Variants in ERGIC3 observed in about 807,000 individuals in gnomAD.
ERGIC3 encodes endoplasmic reticulum-Golgi intermediate compartment protein 3.
In ERGIC3, 33 loss-of-function variants were observed where a neutral mutation model predicts 54.7. The observed-to-expected ratio is 0.60, with a 90% CI of 0.46 to 0.81. The LOEUF is 0.81. Among genes scored for constraint, ERGIC3 ranks in the 30% least tolerant of loss-of-function variants. The probability of loss-of-function intolerance (pLI) is 0.00; values close to 1 mark genes in which losing one functional copy is unlikely to be tolerated. For missense variants in ERGIC3, 399 were observed against 488.4 expected (o/e 0.82, Z 1.73); for synonymous variants, 186 against 189.8 (o/e 0.98, Z 0.16).
intron 4 of ERGIC3, among the ~76,000 whole-genome samples, chr20:35,547,078 G>A (rs1196781204): frequency 6.6e-6 from 1 of 152,160 alleles, no homozygotes; most frequent in Non-Finnish European, 1.5e-5. Context: ...CTTCTCATCA[G>A]TGAGCCTCAA....
At chr20:35,550,177 G>T (rs1382169971) in intron 7 of ERGIC3, among the ~76,000 whole-genome samples, 1 of 151,948 alleles carries the variant, frequency 6.6e-6, no homozygotes, top group Non-Finnish European at 1.5e-5. Flanking sequence ...GACAGTGAGG[G>T]AGCCAGCCAT....
intron 4 of ERGIC3, 27 bp from the exon 5 acceptor site, chr20:35,547,385 A>T (rs1304911576): frequency 4.4e-6 from 7 of 1,596,110 alleles, no homozygotes; most frequent in East Asian, 2.2e-5. Flanking sequence ...GCCCCAGCTG[A>T]TGCCTCTGCT....
chr20:35,551,543 G>A (rs1168887843), intron 7 of ERGIC3, among the ~76,000 whole-genome samples: 1 of 152,160 alleles, frequency 6.6e-6, no homozygotes, highest in East Asian at 1.9e-4. Context: ...ATAGAGCTGT[G>A]GGACTGGATG....
chr20:35,544,823 T>TTTTTTA (rs2064639189), intron 4 of ERGIC3: 2 of 145,560 alleles, frequency 1.4e-5, no homozygotes, highest in Admixed American at 6.9e-5. Context: ...TTTTTTTTTT[T>TTTTTTA]TTTGAGTCAC....
intron 2 of ERGIC3, 21 bp from the exon 3 acceptor site, chr20:35,542,492 A>G (rs1265721773): frequency 6.2e-7 from 1 of 1,613,824 alleles, no homozygotes; most frequent in Non-Finnish European, 8.5e-7. Context: ...GCTAAGTCTT[A>G]CTGAGGTAGC....
intron 7 of ERGIC3, among the ~76,000 whole-genome samples, chr20:35,552,114 A>G (rs2064685040): frequency 1.3e-5 from 2 of 152,204 alleles, no homozygotes; most frequent in African/African-American, 4.8e-5. Flanking sequence ...ATATGTGGAA[A>G]GTCCAAACTT....
At chr20:35,548,735 C>T (rs934492507) in intron 6 of ERGIC3, 61 bp downstream of exon 6, 24 of 1,613,398 alleles carry the variant, frequency 1.5e-5, no homozygotes, top group African/African-American at 1.5e-4. Context: ...CACTGGGAAC[C>T]GAGGGCCCAG....
intron 4 of ERGIC3, chr20:35,543,969 C>T (rs2064631709): frequency 9.6e-6 from 3 of 311,380 alleles, no homozygotes; most frequent in Admixed American, 4.1e-5. Context: ...GGGTATCTCA[C>T]GAGGTTGCAG....
chr20:35,556,392 C>T (rs776564363), intron 10 of ERGIC3, 121 bp downstream of exon 10: 2 of 1,073,546 alleles, frequency 1.9e-6, no homozygotes, highest in Non-Finnish European at 2.8e-6. Context: ...GAATAAAAGA[C>T]TGAGGCACAG....
intron 10 of ERGIC3, 150 bp downstream of exon 10, chr20:35,556,421 C>A: frequency 1.2e-6 from 1 of 833,526 alleles, no homozygotes. Context: ...GGGGATTTGC[C>A]CTCCCAGGCA....
chr20:35,548,128 C>G (rs2064660488), intron 5 of ERGIC3, among the ~76,000 whole-genome samples: 1 of 152,038 alleles, frequency 6.6e-6, no homozygotes, highest in Non-Finnish European at 1.5e-5. Context: ...ATGCAGTCAC[C>G]ACTCTCTGTC....
At chr20:35,545,618 A>G (rs1027063153) in intron 4 of ERGIC3, among the ~76,000 whole-genome samples, 1 of 152,156 alleles carries the variant, frequency 6.6e-6, no homozygotes, top group Non-Finnish European at 1.5e-5. Flanking sequence ...CAGCCTCAGA[A>G]GTTGTACACC....
intron 12 of ERGIC3, 34 bp from the exon 13 acceptor site, chr20:35,557,391 A>G (rs957092553): frequency 6.2e-7 from 1 of 1,611,590 alleles, no homozygotes; most frequent in African/African-American, 1.3e-5. Context: ...CAAGGCCCCC[A>G]CTGGGCCAGT....
At chr20:35,554,352 C>A in intron 7 of ERGIC3, 1 of 1,614,106 alleles carries the variant, frequency 6.2e-7, no homozygotes, top group South Asian at 1.1e-5. Flanking sequence ...CTTCTCTCTC[C>A]TCCCTCCCCC....
At chr20:35,551,358 TAG>T (rs1182830120) in intron 7 of ERGIC3, among the ~76,000 whole-genome samples, 1 of 151,876 alleles carries the variant, frequency 6.6e-6, no homozygotes, top group Non-Finnish European at 1.5e-5. Context: ...AGGGCAGGTT[TAG>T]ATGTTCGGAA....
intron 4 of ERGIC3, 65 bp downstream of exon 4, chr20:35,543,006 C>T (rs777822773): frequency 6.8e-6 from 11 of 1,607,202 alleles, no homozygotes; most frequent in Non-Finnish European, 9.3e-6. Context: ...TATCTGCTAG[C>T]AAGTGAACTG....
In ERGIC3 at chr20:35,553,020, A is replaced by ATTTTTTTTTT. The variant is rs141438822; in HGVS notation, c.686-2005_686-1996dup. On this transcript the variant is annotated intron_variant, in intron 7 of 12. Coordinates refer to ENST00000348547, the MANE Select transcript of ERGIC3 (RefSeq NM_015966.3). ...TTTGCCCTGAGCTTCAAAGCTGGGGATTTTTTTTTTTTTTTTTTTTTTTTT... is the reference window on the plus strand; with the variant it reads ...TTTGCCCTGAGCTTCAAAGCTGGGGATTTTTTTTTTTTTTTTTTTTTTTTTTTTTTTTTTT... Among the ~76,000 whole-genome samples, 279 of 41,554 alleles carry ATTTTTTTTTT rather than the reference A, an allele frequency of 6.7e-3. 89 individuals carry two copies. The highest frequency in any genetic ancestry group is 0.017 in the African/African-American group (204 of 12,082). The allele number at this position is 41,554 out of a possible 152,430, so 27.3% of individuals were successfully genotyped here. A position where few individuals can be genotyped will look rare whatever the true frequency, so the allele number is the denominator to read the frequency against.
chr20:35,550,811 CAGAG>C (rs1287697154), intron 7 of ERGIC3, among the ~76,000 whole-genome samples: 2 of 152,106 alleles, frequency 1.3e-5, no homozygotes, highest in African/African-American at 2.4e-5. Flanking sequence ...AGGACAGAAT[CAGAG>C]AGGCCCATTA....
intron 7 of ERGIC3, chr20:35,554,342 C>T: frequency 5.6e-6 from 9 of 1,614,164 alleles, no homozygotes; most frequent in Non-Finnish European, 7.6e-6. Flanking sequence ...CTGAATCTTT[C>T]TTCTCTCTCC....
Sources: allele counts gnomAD v4.1 joint callset (sites outside exome capture counted in the v4.1 genomes callset), GRCh38; gene constraint gnomAD v4.1.1; transcripts MANE v1.5; gene names NCBI Gene and HGNC (gene_info 2026-07-23, HGNC 2026-07-21).